Variants in PPP1R2 observed in about 807,000 individuals in gnomAD.
The protein encoded by PPP1R2 is protein phosphatase inhibitor 2.
In PPP1R2, 16 loss-of-function variants were observed where a neutral mutation model predicts 29.9. The ratio of observed to expected loss-of-function variants is 0.53; its 90% confidence interval spans 0.36 to 0.81. PPP1R2 has a LOEUF of 0.81. PPP1R2 is among the 30% of genes least tolerant of loss of function. PPP1R2 has a pLI of 0.00. For missense variants in PPP1R2, 197 were observed against 252.7 expected (o/e 0.78, Z 1.49); for synonymous variants, 76 against 91.5 (o/e 0.83, Z 0.96).
At chr3:195,522,202 C>T (rs572723750) in intron 4 of PPP1R2, among the ~76,000 whole-genome samples, 4 of 152,192 alleles carry the variant, frequency 2.6e-5, no homozygotes, top group South Asian at 2.1e-4. Flanking sequence ...AATGAGAAAA[C>T]GGAGGCTCGG....
chr3:195,536,475 G>C (rs1376351156), intron 1 of PPP1R2, among the ~76,000 whole-genome samples: 1 of 151,882 alleles, frequency 6.6e-6, no homozygotes, highest in Non-Finnish European at 1.5e-5. Flanking sequence ...ATGTTGTTTG[G>C]GGGTGCCTGT....
intron 2 of PPP1R2, among the ~76,000 whole-genome samples, chr3:195,527,114 G>T (rs571769282): frequency 1.3e-5 from 2 of 151,796 alleles, no homozygotes; most frequent in Non-Finnish European, 2.9e-5. Context: ...GTGGAGATAA[G>T]AGTCTCACTC....
At chr3:195,526,526 A>T (rs1023207037) in intron 2 of PPP1R2, among the ~76,000 whole-genome samples, 1 of 152,154 alleles carries the variant, frequency 6.6e-6, no homozygotes, top group African/African-American at 2.4e-5. Context: ...GGACCAAATA[A>T]CTTTTCTGGT....
chr3:195,518,393 T>C (rs1226085210), intron 5 of PPP1R2, among the ~76,000 whole-genome samples: 3 of 152,204 alleles, frequency 2.0e-5, no homozygotes, highest in Non-Finnish European at 4.4e-5. Context: ...GGCTCATGCC[T>C]GTAATCCCAG....
At chr3:195,535,263 G>C (rs1719335212) in intron 1 of PPP1R2, among the ~76,000 whole-genome samples, 1 of 152,206 alleles carries the variant, frequency 6.6e-6, no homozygotes, top group Non-Finnish European at 1.5e-5. Flanking sequence ...CCATTGATCT[G>C]ACAGGAGGTG....
At chr3:195,532,201 T>TTCTTTC (rs1719207193) in intron 1 of PPP1R2, among the ~76,000 whole-genome samples, 5 of 108,752 alleles carry the variant, frequency 4.6e-5, no homozygotes, top group Middle Eastern at 4.2e-3. Context: ...CAGCTAATTT[T>TTCTTTC]TCTTTTTCTT....
At chr3:195,532,684 G>T (rs1199781834) in intron 1 of PPP1R2, among the ~76,000 whole-genome samples, 2 of 151,862 alleles carry the variant, frequency 1.3e-5, no homozygotes, top group Non-Finnish European at 2.9e-5. Flanking sequence ...GAACTGTGTG[G>T]GTCCACTTAT....
At chr3:195,539,287 A>G (rs1719504492) in intron 1 of PPP1R2, among the ~76,000 whole-genome samples, 1 of 152,220 alleles carries the variant, frequency 6.6e-6, no homozygotes, top group Non-Finnish European at 1.5e-5. Flanking sequence ...GGTGTTTAAA[A>G]CAGCTGAATG....
intron 2 of PPP1R2, among the ~76,000 whole-genome samples, chr3:195,526,768 C>T (rs1286196266): frequency 1.3e-5 from 2 of 152,068 alleles, no homozygotes; most frequent in Non-Finnish European, 2.9e-5. Context: ...GTACACACCA[C>T]CACCTCTGGA....
intron 1 of PPP1R2, among the ~76,000 whole-genome samples, chr3:195,542,165 G>T (rs1012922299): frequency 2.6e-5 from 4 of 151,972 alleles, no homozygotes; most frequent in Non-Finnish European, 5.9e-5. Flanking sequence ...TTTTTTAAAG[G>T]CTAGTATATT....
At chr3:195,539,704 A>G (rs1208186013) in intron 1 of PPP1R2, among the ~76,000 whole-genome samples, 1 of 152,194 alleles carries the variant, frequency 6.6e-6, no homozygotes, top group Non-Finnish European at 1.5e-5. Context: ...AAAAAGACGT[A>G]AGCACTAATG....
At chr3:195,517,943 G>T (rs369186769) in intron 5 of PPP1R2, among the ~76,000 whole-genome samples, 48 of 152,212 alleles carry the variant, frequency 3.2e-4, no homozygotes, top group East Asian at 9.6e-4. Flanking sequence ...CTGTATCATA[G>T]AATTATTCAT....
At chr3:195,530,499 C>T (rs1719136152) in intron 1 of PPP1R2, among the ~76,000 whole-genome samples, 1 of 152,180 alleles carries the variant, frequency 6.6e-6, no homozygotes, top group African/African-American at 2.4e-5. Flanking sequence ...ACTTGAAGAG[C>T]AATAGACGTT....
chr3:195,521,205 C>T (rs1252089756), intron 4 of PPP1R2, among the ~76,000 whole-genome samples: 1 of 148,970 alleles, frequency 6.7e-6, no homozygotes, highest in Non-Finnish European at 1.5e-5. Flanking sequence ...ATCCCAGCTA[C>T]TCAGGAGGCT....
rs753229980 is a variant in PPP1R2 at position 195,535,661 on chromosome 3, C to T, written c.123-5760G>A. Among the ~76,000 whole-genome samples the T allele has an allele frequency of 2.0e-5, 3 of 152,036 alleles. No individual in the cohort carries two copies. In the South Asian group the frequency reaches 6.2e-4, roughly 32 times the overall value. ...GCTTCTGAATCAGTGCCAGAGGATACGGAAGAATATGTAGAAGAAGCAAAG... is the reference window on the plus strand; with the variant it reads ...GCTTCTGAATCAGTGCCAGAGGATATGGAAGAATATGTAGAAGAAGCAAAG... On this transcript the variant is annotated intron_variant, in intron 1 of 5. Coordinates refer to ENST00000618156, the MANE Select transcript of PPP1R2 (RefSeq NM_006241.8).
intron 1 of PPP1R2, among the ~76,000 whole-genome samples, chr3:195,541,822 C>T (rs1406637459): frequency 6.6e-6 from 1 of 152,114 alleles, no homozygotes; most frequent in African/African-American, 2.4e-5. Flanking sequence ...CCCCAAAAGG[C>T]CACGATTCTA....
chr3:195,538,941 G>A (rs1719491197), intron 1 of PPP1R2, among the ~76,000 whole-genome samples: 1 of 152,060 alleles, frequency 6.6e-6, no homozygotes, highest in African/African-American at 2.4e-5. Flanking sequence ...TCAAACCCAG[G>A]CAATCTGGCA....
intron 2 of PPP1R2, among the ~76,000 whole-genome samples, chr3:195,526,221 G>A (rs1279437615): frequency 1.3e-5 from 2 of 151,062 alleles, no homozygotes; most frequent in Non-Finnish European, 2.9e-5. Flanking sequence ...TAAGCCTCTT[G>A]TGTAGCTGGG....
At chr3:195,528,093 T>C (rs1372245887) in intron 2 of PPP1R2, among the ~76,000 whole-genome samples, 2 of 152,082 alleles carry the variant, frequency 1.3e-5, no homozygotes, top group Non-Finnish European at 1.5e-5. Context: ...GGTGCACCCA[T>C]CACCCGAGCA....
Sources: allele counts gnomAD v4.1 joint callset (sites outside exome capture counted in the v4.1 genomes callset), GRCh38; gene constraint gnomAD v4.1.1; transcripts MANE v1.5; gene names NCBI Gene and HGNC (gene_info 2026-07-23, HGNC 2026-07-21).